Variants in NID1 observed in about 807,000 individuals in gnomAD.
NID1 encodes nidogen 1.
NID1 carries 76 observed loss-of-function variants against 130.6 expected under a neutral mutation model. That is an observed-to-expected ratio of 0.58 (90% CI 0.48 to 0.70). The LOEUF (loss-of-function observed/expected upper bound fraction) is 0.70. Ranked by LOEUF, NID1 falls within the 30% of genes least tolerant of loss-of-function variation. The pLI is 0.00. For missense variants in NID1, 1,517 were observed against 1,664.8 expected (o/e 0.91, Z 1.54); for synonymous variants, 665 against 675.1 (o/e 0.98, Z 0.23).
Position 235,990,920 on chromosome 1 carries a change from C to A in NID1, c.2894G>T (p.Arg965Met), listed in dbSNP as rs901375373. The change falls in exon 14 of 20, where the codon AGG (arginine) becomes ATG (methionine). Residue 965 changes from arginine to methionine, a missense_variant. Physicochemically the swap from Arg to Met is moderately conservative, Grantham distance 91 (BLOSUM62 -1). This residue lies in a region of NID1 where 1,329 missense variants were observed against 1,429.2 expected (regional missense o/e 0.93). Coordinates refer to ENST00000264187, the MANE Select transcript of NID1 (RefSeq NM_002508.3). ...AAGGAACGCCTTTGCTTCTGTCTTC[C>A]TCATGGTATTTCCCTCCAGGGGCAG... ...ERLPLEGNTMRKTEAKAFLHV... is the reference protein window; with the variant it reads ...ERLPLEGNTMMKTEAKAFLHV... 6.2e-7 allele frequency: 1 copy of A among 1,614,156 alleles called. No homozygotes were observed. Among genetic ancestry groups the A allele is most frequent in the Admixed American group, 1.7e-5 (1 of 60,018 alleles).
At chr1:236,007,001 G>A (rs1445953308) in intron 12 of NID1, among the ~76,000 whole-genome samples, 1 of 152,080 alleles carries the variant, frequency 6.6e-6, no homozygotes, top group Non-Finnish European at 1.5e-5. Context: ...GCAGGGTTGA[G>A]GGAAAGCTTC....
chr1:236,027,405 G>A (rs1367354591), intron 7 of NID1, among the ~76,000 whole-genome samples: 2 of 152,140 alleles, frequency 1.3e-5, no homozygotes, highest in Admixed American at 6.6e-5. Context: ...GCTACAAGCC[G>A]GCCGCAACTG....
At chr1:236,025,122 T>G (rs899863537) in intron 8 of NID1, among the ~76,000 whole-genome samples, 10 of 151,520 alleles carry the variant, frequency 6.6e-5, no homozygotes, top group African/African-American at 2.4e-4. Flanking sequence ...CAGCTAAATT[T>G]TGTGTTGTTA....
chr1:235,995,912 C>A (rs1572583632), intron 12 of NID1, among the ~76,000 whole-genome samples: 1 of 152,206 alleles, frequency 6.6e-6, no homozygotes, highest in South Asian at 2.1e-4. Context: ...GTAATTCCAG[C>A]ACTTTGGGAG....
At chr1:236,038,997 A>ATG (rs1659358437) in intron 4 of NID1, among the ~76,000 whole-genome samples, 1 of 100,856 alleles carries the variant, frequency 9.9e-6, no homozygotes, top group East Asian at 3.0e-4. Context: ...ATATACATAT[A>ATG]TGTAAATATA....
At chr1:236,045,138 G>T (rs1659560232) in intron 3 of NID1, among the ~76,000 whole-genome samples, 1 of 148,748 alleles carries the variant, frequency 6.7e-6, no homozygotes, top group East Asian at 2.0e-4. Context: ...GGCAGAGGTT[G>T]CAGTGAGTCG....
rs61067413 is a variant in NID1, at chr1:236,035,547, T to G, written c.1285+2557A>C. On this transcript the variant is annotated intron_variant, in intron 5 of 19. Transcript: ENST00000264187. ...CTGGGTCAAATGGTATTTCTAGTTC[T>G]AGATCCCTGAGGAATCGCCACACTG... Among the ~76,000 whole-genome samples, 1,391 of 149,584 alleles carry G rather than the reference T, an allele frequency of 9.3e-3. 22 individuals carry two copies. Among genetic ancestry groups the G allele is most frequent in the African/African-American group, 0.033 (1,323 of 40,370 alleles).
chr1:236,054,146 C>T (rs1296317410), intron 1 of NID1, among the ~76,000 whole-genome samples: 2 of 151,958 alleles, frequency 1.3e-5, no homozygotes, highest in African/African-American at 2.4e-5. Context: ...TAGGGGAGGA[C>T]CTATAGATTT....
intron 12 of NID1, among the ~76,000 whole-genome samples, chr1:235,998,757 TAG>T (rs781399096): frequency 1.2e-4 from 19 of 152,242 alleles, no homozygotes; most frequent in Non-Finnish European, 2.1e-4. Flanking sequence ...CATAGGGTTT[TAG>T]AGTTTTCATA....
chr1:236,007,214 G>A (rs1038907974), intron 12 of NID1, among the ~76,000 whole-genome samples: 1 of 152,156 alleles, frequency 6.6e-6, no homozygotes, highest in African/African-American at 2.4e-5. Flanking sequence ...TAAATTTTTT[G>A]ATAGAGATGG....
chr1:236,063,471 C>T (rs1248778816), intron 1 of NID1, among the ~76,000 whole-genome samples: 1 of 136,936 alleles, frequency 7.3e-6, no homozygotes, highest in Non-Finnish European at 1.6e-5. Flanking sequence ...GACTCTGTCT[C>T]AAAAAAAAAA....
Position 235,977,819 on chromosome 1 carries a change from A to G in NID1, c.*48T>C, listed in dbSNP as rs1657310553. On this transcript the variant is annotated 3_prime_UTR_variant, in exon 20 of 20. Transcript: ENST00000264187. ...CAATCTGGACCAAGTTGCTTCAAGT[A>G]GAGTGTTGCTGTGAAATACTTGGAA... 1 of 1,602,858 alleles carries G rather than the reference A, an allele frequency of 6.2e-7. No individual in the cohort carries two copies. Among genetic ancestry groups the G allele is most frequent in the African/African-American group, 1.3e-5 (1 of 74,716 alleles).
At position 235,997,415 on chromosome 1, in the gene NID1, C is replaced by A. The variant is rs545406745; in HGVS notation, c.2528-3543G>T. On this transcript the variant is annotated intron_variant, in intron 12 of 19. Coordinates refer to ENST00000264187, the MANE Select transcript of NID1 (RefSeq NM_002508.3). ...TGTAGTTGCCAACCCCTGCTCTAGG[C>A]ATTACCAGTTATGTTAAGGGGAAAT... 2.0e-5 allele frequency among the ~76,000 whole-genome samples: 3 copies of A among 152,206 alleles called. No homozygotes were observed. In the East Asian group the frequency reaches 5.8e-4, roughly 29 times the overall value.
chr1:235,997,642 T>C (rs924003591), intron 12 of NID1, among the ~76,000 whole-genome samples: 2 of 150,106 alleles, frequency 1.3e-5, no homozygotes, highest in East Asian at 4.0e-4. Flanking sequence ...TCTCACTCTG[T>C]CTTGCACAGG....
intron 12 of NID1, among the ~76,000 whole-genome samples, chr1:235,994,173 C>CT (rs943551048): frequency 3.4e-4 from 52 of 152,168 alleles, no homozygotes; most frequent in African/African-American, 1.2e-3. Flanking sequence ...CCTTTTTTTA[C>CT]TTTTTTGCGA....
In NID1 at chr1:235,985,502, T is replaced by C; in HGVS notation, c.2932A>G (p.Lys978Glu). Reference protein sequence around the residue: ...EAKAFLHVPAKVIIGLAFDCV... With the variant: ...EAKAFLHVPAEVIIGLAFDCV... Reference sequence around the variant, plus strand: ...TCAAAGGCCAGTCCAATGATGACTTTAGCCTGGATGTGAAGACCAGTGGTT... The same window carrying C: ...TCAAAGGCCAGTCCAATGATGACTTCAGCCTGGATGTGAAGACCAGTGGTT... Residue 978 changes from lysine (K) to glutamate (E), a missense_variant, in exon 15 of 20, where the codon AAA becomes GAA. Transcript: ENST00000264187. 1 of 1,614,146 alleles carries C rather than the reference T, an allele frequency of 6.2e-7. No homozygotes were observed. The highest frequency in any genetic ancestry group is 8.5e-7 in the Non-Finnish European group (1 of 1,179,968).
chr1:236,061,320 T>C (rs972334125), intron 1 of NID1, among the ~76,000 whole-genome samples: 8 of 152,154 alleles, frequency 5.3e-5, no homozygotes, highest in Admixed American at 5.2e-4. Context: ...AAAATATAAC[T>C]TCACAGGCAT....
In NID1 at chr1:235,977,929, C is replaced by T. The variant is rs377333569; in HGVS notation, c.3682G>A (p.Gly1228Arg). 1.2e-6 allele frequency: 2 copies of T among 1,614,024 alleles called. No homozygotes were observed. The highest frequency in any genetic ancestry group is 2.2e-5 in the East Asian group (1 of 44,902). The change falls in exon 20 of 20, where the codon GGG becomes AGG. Residue 1228 changes from glycine (G) to arginine (R), a missense_variant. This residue lies in a region of NID1 where 181 missense variants were observed against 211.3 expected (regional missense o/e 0.86). Coordinates refer to ENST00000264187, the MANE Select transcript of NID1 (RefSeq NM_002508.3). ...TCAGGGCAACGGCAGGTCCTGCTCC[C>T]TGGGGTGGCCAAGCATAGGTGGGTG... ...GCTHLCLATP[G>R]SRTCRCPDNT...
chr1:236,047,101 ACT>A (rs1659624576), intron 2 of NID1, among the ~76,000 whole-genome samples: 1 of 152,112 alleles, frequency 6.6e-6, no homozygotes, highest in African/African-American at 2.4e-5. Flanking sequence ...ACAGAGCAAG[ACT>A]CTGTCTCAAA....
Sources: gnomAD v4.1 joint callset for allele counts (sites outside exome capture counted in the v4.1 genomes callset) on GRCh38, gnomAD v4.1.1 for gene constraint, gnomAD v4.1.1 regional missense constraint, MANE v1.5 for transcripts, NCBI Gene and HGNC (gene_info 2026-07-23, HGNC 2026-07-21) for gene names.